Variants in NFATC2 observed in about 807,000 individuals in gnomAD.
The protein encoded by NFATC2 is nuclear factor of activated T cells 2, also known as nuclear factor of activated T-cells, cytoplasmic 2.
A neutral mutation model predicts 87.3 loss-of-function variants in NFATC2; 22 were observed. That is an observed-to-expected ratio of 0.25 (90% CI 0.18 to 0.36). The LOEUF (loss-of-function observed/expected upper bound fraction) is 0.36, where lower values mean the gene tolerates loss of function less well. Ranked by LOEUF, NFATC2 falls within the 10% of genes least tolerant of loss-of-function variation. The pLI, the probability that NFATC2 is intolerant of heterozygous loss-of-function variation, is 1.00. For missense variants in NFATC2, 1,149 were observed against 1,259.1 expected, an observed-to-expected ratio of 0.91 and a Z score of 1.32; for synonymous variants, 565 against 542.2, an observed-to-expected ratio of 1.04 and a Z score of -0.58.
chr20:51,475,377 G>T, intron 4 of NFATC2, 81 bp downstream of exon 4: 1 of 1,349,872 alleles, frequency 7.4e-7, no homozygotes, highest in Non-Finnish European at 1.1e-6. Context: ...GTTCTGTAGA[G>T]TCCCCTCTCC....
intron 9 of NFATC2, among the ~76,000 whole-genome samples, chr20:51,400,190 C>T (rs1435002247): frequency 6.6e-6 from 1 of 152,174 alleles, no homozygotes; most frequent in African/African-American, 2.4e-5. Flanking sequence ...CCTGTTGGAA[C>T]TGATGTTAGA....
At chr20:51,540,663 T>TTTTTTTG (rs1555818358) in intron 1 of NFATC2, among the ~76,000 whole-genome samples, 1 of 135,692 alleles carries the variant, frequency 7.4e-6, no homozygotes, top group African/African-American at 2.8e-5. Context: ...TTTTTGTTTT[T>TTTTTTTG]TTTTTTTTGA....
intron 5 of NFATC2, among the ~76,000 whole-genome samples, chr20:51,467,357 G>C (rs899388248): frequency 1.3e-5 from 2 of 152,006 alleles, no homozygotes; most frequent in African/African-American, 2.4e-5. Context: ...AGGAGTTCGA[G>C]ACCAGCCTGG....
intron 5 of NFATC2, among the ~76,000 whole-genome samples, chr20:51,472,726 C>T (rs1369827241): frequency 6.7e-6 from 1 of 149,964 alleles, no homozygotes; most frequent in East Asian, 2.0e-4. Flanking sequence ...ACCTCCACCT[C>T]CCGGATTCAA....
At chr20:51,542,260 A>T in intron 1 of NFATC2, 110 bp downstream of exon 1, 2 of 1,354,624 alleles carry the variant, frequency 1.5e-6, no homozygotes, top group Non-Finnish European at 2.0e-6. Flanking sequence ...CCCTCCCTCC[A>T]GGCCCCTTAG....
intron 1 of NFATC2, among the ~76,000 whole-genome samples, chr20:51,548,409 C>T (rs2076906900): frequency 6.6e-6 from 1 of 152,242 alleles, no homozygotes; most frequent in South Asian, 2.1e-4. Context: ...TCTTTTATTG[C>T]CTGTTCCTTT....
intron 6 of NFATC2, among the ~76,000 whole-genome samples, chr20:51,449,270 C>T (rs370002380): frequency 6.6e-6 from 1 of 152,088 alleles, no homozygotes; most frequent in South Asian, 2.1e-4. Context: ...ACAGGGATTC[C>T]CCCTGCAGAA....
At chr20:51,509,253 T>C (rs1326519239) in intron 3 of NFATC2, among the ~76,000 whole-genome samples, 1 of 146,564 alleles carries the variant, frequency 6.8e-6, no homozygotes, top group Non-Finnish European at 1.5e-5. Flanking sequence ...CAACATACTA[T>C]TTCATTTTCC....
intron 3 of NFATC2, among the ~76,000 whole-genome samples, chr20:51,509,910 C>A (rs1266333299): frequency 6.6e-6 from 1 of 152,226 alleles, no homozygotes; most frequent in African/African-American, 2.4e-5. Flanking sequence ...GGGCCTCAGG[C>A]CCTCACTCAC....
rs964497316 is a variant in NFATC2 at position 51,390,560 on chromosome 20, C to T, written c.*936G>A. 6.6e-6 allele frequency: 1 copy of T among 152,312 alleles called. No homozygotes were observed. Among genetic ancestry groups the T allele is most frequent in the Non-Finnish European group, 1.5e-5 (1 of 68,098 alleles). 9.4% of individuals were successfully genotyped at this position (152,312 alleles called of 1,614,324 possible). On this transcript the variant is annotated 3_prime_UTR_variant, in exon 11 of 11. Coordinates refer to ENST00000371564, the MANE Select transcript of NFATC2 (RefSeq NM_012340.5). ...GTTGTACAGCTGCAGCAGACAGGTG[C>T]TTGCTCTCTGCAGCCTGGGTCAGCC...
intron 9 of NFATC2, among the ~76,000 whole-genome samples, chr20:51,428,073 C>A (rs746865570): frequency 3.3e-5 from 5 of 151,786 alleles, no homozygotes; most frequent in Non-Finnish European, 7.4e-5. Flanking sequence ...ACAGAGAAGT[C>A]AAGGGTCAAG....
chr20:51,518,315 A>C (rs2076387177), intron 2 of NFATC2, among the ~76,000 whole-genome samples: 1 of 152,202 alleles, frequency 6.6e-6, no homozygotes, highest in Non-Finnish European at 1.5e-5. Flanking sequence ...GGCTGCTAGG[A>C]GCTGACACTA....
intron 3 of NFATC2, among the ~76,000 whole-genome samples, chr20:51,511,483 T>C (rs1035834507): frequency 6.6e-6 from 1 of 152,242 alleles, no homozygotes; most frequent in African/African-American, 2.4e-5. Flanking sequence ...TATATCCAAC[T>C]GTTTACTTGA....
chr20:51,401,956 G>A (rs930379742), intron 9 of NFATC2, among the ~76,000 whole-genome samples: 1 of 152,184 alleles, frequency 6.6e-6, no homozygotes, highest in Non-Finnish European at 1.5e-5. Flanking sequence ...AGGCATGCAC[G>A]TTTGAATGGG....
Position 51,432,468 on chromosome 20 carries a change from G to A in NFATC2, c.2321C>T (p.Pro774Leu), listed in dbSNP as rs1486865010. The A allele has an allele frequency of 1.3e-6, 2 of 1,557,636 alleles. No individual in the cohort carries two copies. Among genetic ancestry groups the A allele is most frequent in the South Asian group, 1.2e-5 (1 of 82,726 alleles). The change falls in exon 9 of 11, where the codon CCG becomes CTG. Residue 774 changes from proline (P) to leucine (L), a missense_variant. Transcript: ENST00000371564. The surrounding 1 kb of genome is among the most constrained non-coding windows in gnomAD (Gnocchi z 4.6). ...GYQQPALMAA[P>L]LSLADAHRSV... is the part of the protein sequence containing the mutation. ...GCGGTGAGCGTCCGCAAGGGACAGC[G>A]GGGCGGCCATGAGGGCCGGCTGCTG...
At chr20:51,456,103 G>T (rs1414041180) in intron 5 of NFATC2, among the ~76,000 whole-genome samples, 3 of 143,964 alleles carry the variant, frequency 2.1e-5, no homozygotes, top group African/African-American at 7.8e-5. Flanking sequence ...TGTGTGGATG[G>T]GTGGGTGGGT....
At chr20:51,402,929 T>C (rs1383256479) in intron 9 of NFATC2, among the ~76,000 whole-genome samples, 1 of 151,866 alleles carries the variant, frequency 6.6e-6, no homozygotes, top group Non-Finnish European at 1.5e-5. Flanking sequence ...TGGATATTTA[T>C]TGAATTTCCA....
intron 1 of NFATC2, among the ~76,000 whole-genome samples, chr20:51,553,456 A>AT (rs1397024466): frequency 2.6e-5 from 4 of 152,240 alleles, no homozygotes; most frequent in African/African-American, 9.6e-5. Flanking sequence ...TGGGCGGATC[A>AT]CGAGGTCAGG....
chr20:51,466,751 C>T (rs1415398800), intron 5 of NFATC2, among the ~76,000 whole-genome samples: 1 of 152,056 alleles, frequency 6.6e-6, no homozygotes. Flanking sequence ...TTGGCTTCAT[C>T]AAAATAAAAT....
Sources: gnomAD v4.1 joint callset for allele counts (sites outside exome capture counted in the v4.1 genomes callset) on GRCh38, gnomAD v4.1.1 for gene constraint, Gnocchi (gnomAD v3.1) non-coding constraint, MANE v1.5 for transcripts, NCBI Gene and HGNC (gene_info 2026-07-23, HGNC 2026-07-21) for gene names.